The following KCNG2 variants were observed in gnomAD, a reference collection of about 807,000 sequenced individuals.
KCNG2 encodes voltage-gated potassium channel regulatory subunit KCNG2.
A neutral mutation model predicts 12.3 loss-of-function variants in KCNG2; 7 were observed. That is an observed-to-expected ratio of 0.57 (90% confidence interval 0.32 to 1.07). KCNG2 has a LOEUF of 1.07. Among genes scored for constraint, KCNG2 ranks in the 50% least tolerant of loss-of-function variants. The pLI, the probability that KCNG2 is intolerant of heterozygous loss-of-function variation, is 0.04. For missense variants in KCNG2, 703 were observed against 726.0 expected (o/e 0.97, Z 0.36); for synonymous variants, 414 against 351.4 (o/e 1.18, Z -1.99).
At chr18:79,894,949 G>A (rs879893958) in intron 3 of KCNG2, among the ~76,000 whole-genome samples, 1 of 146,538 alleles carries the variant, frequency 6.8e-6, no homozygotes, top group Non-Finnish European at 1.5e-5. Context: ...CTAATGTTAC[G>A]ATTGATATAG....
intron 3 of KCNG2, among the ~76,000 whole-genome samples, chr18:79,870,600 G>C (rs11660941): frequency 0.31 from 46,970 of 152,242 alleles, 8,301 homozygotes; most frequent in South Asian, 0.53. Flanking sequence ...GCCCGCTGTT[G>C]GAGGTTTCTG....
intron 1 of KCNG2, among the ~76,000 whole-genome samples, chr18:79,830,140 G>A (rs1035012213): frequency 5.3e-5 from 8 of 152,136 alleles, no homozygotes; most frequent in Admixed American, 2.6e-4. Flanking sequence ...GCAGGTCCAC[G>A]GAGCCCAGTG....
chr18:79,884,285 C>G lies in KCNG2; in HGVS notation c.625-14755C>G, dbSNP rs1026952787. ...TCCCTGTGGGCCCCACACCTGCACC[C>G]CCAAGAGAATTCGCCCCATCTAGGT... On this transcript the variant is annotated intron_variant, in intron 3 of 3. Coordinates refer to ENST00000316249, the MANE Select transcript of KCNG2 (RefSeq NM_012283.2). The surrounding 1 kb of genome is among the most constrained non-coding windows in gnomAD (Gnocchi z 5.5). Among the ~76,000 whole-genome samples the G allele has an allele frequency of 1.3e-5, 2 of 152,166 alleles. No homozygotes were observed. Among genetic ancestry groups the G allele is most frequent in the African/African-American group, 4.8e-5 (2 of 41,452 alleles).
chr18:79,822,280 C>T lies in KCNG2; in HGVS notation c.-115+24266C>T, dbSNP rs540855375. On this transcript the variant is annotated intron_variant, in intron 1 of 3. Coordinates refer to ENST00000316249, the MANE Select transcript of KCNG2 (RefSeq NM_012283.2). The surrounding 1 kb of genome is among the most constrained non-coding windows in gnomAD (Gnocchi z 4.4). Reference sequence around the variant, plus strand: ...CCAGACCAGGGATTCCCACTGGCCCCGCCCTGGTCACTACTTTAAAACCCC... The same window carrying T: ...CCAGACCAGGGATTCCCACTGGCCCTGCCCTGGTCACTACTTTAAAACCCC... Among the ~76,000 whole-genome samples, 22 of 152,292 alleles carry T rather than the reference C, an allele frequency of 1.4e-4. No homozygotes were observed. The East Asian group carries it at 1.7e-3, about 12-fold the overall frequency.
chr18:79,809,950 C>G (rs950786570), intron 1 of KCNG2, among the ~76,000 whole-genome samples: 1 of 152,212 alleles, frequency 6.6e-6, no homozygotes, highest in Admixed American at 6.5e-5. Flanking sequence ...GGCTGGTGGG[C>G]GGAGTCCTGT....
At chr18:79,887,521 G>A (rs1980572009) in intron 3 of KCNG2, among the ~76,000 whole-genome samples, 2 of 152,128 alleles carry the variant, frequency 1.3e-5, no homozygotes, top group Admixed American at 6.5e-5. Context: ...GTGGGAGGGA[G>A]GACTCAGCCT....
chr18:79,848,724 C>T (rs1978708861), intron 1 of KCNG2, among the ~76,000 whole-genome samples: 1 of 152,136 alleles, frequency 6.6e-6, no homozygotes, highest in African/African-American at 2.4e-5. Flanking sequence ...CACAGCTGGA[C>T]GGTTCTGTGT....
intron 1 of KCNG2, among the ~76,000 whole-genome samples, chr18:79,828,001 GC>G (rs1978287480): frequency 1.4e-5 from 2 of 147,910 alleles, no homozygotes; most frequent in South Asian, 4.2e-4. Context: ...AAGGCTCACT[GC>G]AACCTCTGCC....
intron 1 of KCNG2, among the ~76,000 whole-genome samples, chr18:79,838,739 A>G (rs1568251994): frequency 6.6e-6 from 1 of 152,190 alleles, no homozygotes; most frequent in Non-Finnish European, 1.5e-5. Context: ...GGAAATCAAA[A>G]CATACATTGA....
intron 2 of KCNG2, among the ~76,000 whole-genome samples, chr18:79,860,701 G>A (rs980649368): frequency 6.6e-6 from 1 of 152,136 alleles, no homozygotes. Flanking sequence ...ATGTGTATGT[G>A]TGCGTGTGTG....
intron 1 of KCNG2, among the ~76,000 whole-genome samples, chr18:79,847,983 C>T (rs532995998): frequency 1.1e-4 from 17 of 152,306 alleles, no homozygotes; most frequent in African/African-American, 3.1e-4. Flanking sequence ...TTCCTTGGGA[C>T]TGAAGGAGTG....
rs563677784 is a variant in KCNG2 at position 79,853,001 on chromosome 18, C to T, written c.-114-3378C>T. On this transcript the variant is annotated intron_variant, in intron 1 of 3. Transcript: ENST00000316249. ...CGTGGGGCAGGCCCTGGGCTGGACACGGCACCGCGTGGATGCCCCGTGTGT... is the reference window on the plus strand; with the variant it reads ...CGTGGGGCAGGCCCTGGGCTGGACATGGCACCGCGTGGATGCCCCGTGTGT... Among the ~76,000 whole-genome samples, 24 of 152,356 alleles carry T rather than the reference C, an allele frequency of 1.6e-4. No individual in the cohort carries two copies. In the East Asian group the frequency reaches 4.2e-3, roughly 27 times the overall value.
intron 1 of KCNG2, among the ~76,000 whole-genome samples, chr18:79,805,535 T>A (rs966545040): frequency 6.6e-6 from 1 of 152,160 alleles, no homozygotes; most frequent in Non-Finnish European, 1.5e-5. Flanking sequence ...TTTTTCTCCA[T>A]TGCCTTTTTT....
Position 79,822,321 on chromosome 18 carries a change from C to T in KCNG2, c.-115+24307C>T, listed in dbSNP as rs181058491. Among the ~76,000 whole-genome samples, 13 of 152,290 alleles carry T rather than the reference C, an allele frequency of 8.5e-5. No individual in the cohort carries two copies. The highest frequency in any genetic ancestry group is 2.0e-4 in the Admixed American group (3 of 15,292). ...TTAAAACCCCACTCAGATGTCACCGCGTTCTTCATACTAGAGCCACGGTTC... is the reference window on the plus strand; with the variant it reads ...TTAAAACCCCACTCAGATGTCACCGTGTTCTTCATACTAGAGCCACGGTTC... On this transcript the variant is annotated intron_variant, in intron 1 of 3. Coordinates refer to ENST00000316249, the MANE Select transcript of KCNG2 (RefSeq NM_012283.2). This position sits in a 1 kb window ranked among gnomAD's most constrained non-coding sequence, Gnocchi z 4.4.
In KCNG2 at chr18:79,809,565, T is replaced by C. The variant is rs148418151; in HGVS notation, c.-115+11551T>C. On this transcript the variant is annotated intron_variant, in intron 1 of 3. Transcript: ENST00000316249. The stretch of plus-strand genomic sequence containing the variant: ...CACGTTACCGGCCCAGAGTCCGCGC[T>C]CTGAGGAGCTGCCGGGGCCTCACTG... Among the ~76,000 whole-genome samples the C allele has an allele frequency of 2.1e-3, 142 of 66,816 alleles. 2 individuals carry two copies. The highest frequency in any genetic ancestry group is 0.011 in the South Asian group (14 of 1,320). The allele number at this position is 66,816 out of a possible 152,430, so 43.8% of individuals were successfully genotyped here. A position where few individuals can be genotyped will look rare whatever the true frequency, so the allele number is the denominator to read the frequency against.
At chr18:79,857,615 T>C (rs1449557511) in intron 2 of KCNG2, among the ~76,000 whole-genome samples, 1 of 152,016 alleles carries the variant, frequency 6.6e-6, no homozygotes, top group South Asian at 2.1e-4. Flanking sequence ...AAGCTTTACT[T>C]GGCAGAGGTC....
rs577949663 is a variant in KCNG2 at position 79,887,317 on chromosome 18, G to A, written c.625-11723G>A. Among the ~76,000 whole-genome samples the A allele has an allele frequency of 4.6e-5, 7 of 152,144 alleles. No homozygotes were observed. In the East Asian group the frequency reaches 5.8e-4, roughly 13 times the overall value. On this transcript the variant is annotated intron_variant, in intron 3 of 3. Coordinates refer to ENST00000316249, the MANE Select transcript of KCNG2 (RefSeq NM_012283.2). ...ACGGAAATGCTGAGACAGCAGAGGC[G>A]GAGGCCGCCCTGGGCCAGAGGCCAC...
intron 3 of KCNG2, among the ~76,000 whole-genome samples, chr18:79,869,271 G>A: frequency 1.5e-5 from 1 of 67,212 alleles, no homozygotes; most frequent in Non-Finnish European, 4.8e-5. Flanking sequence ...AGCTCCCTGT[G>A]GGGAGGGCTC....
chr18:79,798,106 C>G (rs984904603), intron 1 of KCNG2, among the ~76,000 whole-genome samples, 92 bp downstream of exon 1: 1 of 151,228 alleles, frequency 6.6e-6, no homozygotes, highest in African/African-American at 2.4e-5. Flanking sequence ...GGCGCGGGCT[C>G]CTGTCTGATG....
Sources: gnomAD v4.1 joint callset for allele counts (sites outside exome capture counted in the v4.1 genomes callset) on GRCh38, gnomAD v4.1.1 for gene constraint, Gnocchi (gnomAD v3.1) non-coding constraint, MANE v1.5 for transcripts, NCBI Gene and HGNC (gene_info 2026-07-23, HGNC 2026-07-21) for gene names.